RNGTT: variants seen among roughly 807,000 people sequenced by gnomAD.
RNGTT encodes the protein RNA guanylyltransferase and 5'-phosphatase, also known as mRNA-capping enzyme.
Under a neutral mutation model 79.3 loss-of-function variants are expected in RNGTT, and 33 were observed. The observed-to-expected ratio is 0.42, with a 90% CI of 0.32 to 0.56. The LOEUF is 0.56. Among genes scored for constraint, RNGTT ranks in the 20% least tolerant of loss-of-function variants. The pLI, the probability that RNGTT is intolerant of heterozygous loss-of-function variation, is 0.17. For synonymous variants in RNGTT, 222 were observed against 235.9 expected, an observed-to-expected ratio of 0.94 and a Z score of 0.54; for missense variants, 497 against 739.1, an observed-to-expected ratio of 0.67 and a Z score of 3.80.
At chr6:88,663,787 C>T (rs909131725) in intron 14 of RNGTT, among the ~76,000 whole-genome samples, 8 of 152,256 alleles carry the variant, frequency 5.3e-5, no homozygotes, top group Non-Finnish European at 1.2e-4. Context: ...ACAAATGCCC[C>T]TAAGAGAGCA....
chr6:88,650,821 A>C (rs1773768052), intron 14 of RNGTT, among the ~76,000 whole-genome samples: 1 of 152,192 alleles, frequency 6.6e-6, no homozygotes. Flanking sequence ...TAAAAGAAAA[A>C]CAACAAGTAG....
chr6:88,715,231 T>A (rs1020827221), intron 13 of RNGTT, among the ~76,000 whole-genome samples: 1 of 152,048 alleles, frequency 6.6e-6, no homozygotes, highest in Non-Finnish European at 1.5e-5. Context: ...TCAAAAAGAA[T>A]AAAATACCCA....
chr6:88,664,381 G>A (rs1448638740), intron 14 of RNGTT, among the ~76,000 whole-genome samples: 1 of 152,216 alleles, frequency 6.6e-6, no homozygotes, highest in East Asian at 1.9e-4. Context: ...AAAGCGCAGA[G>A]GATATTAGGA....
At chr6:88,952,157 C>A (rs901540606) in intron 1 of RNGTT, among the ~76,000 whole-genome samples, 1 of 152,096 alleles carries the variant, frequency 6.6e-6, no homozygotes, top group Non-Finnish European at 1.5e-5. Context: ...AGCTATCCCC[C>A]ACTTCCCTGG....
At chr6:88,765,050 G>A (rs1463712978) in intron 13 of RNGTT, among the ~76,000 whole-genome samples, 1 of 151,846 alleles carries the variant, frequency 6.6e-6, no homozygotes, top group Non-Finnish European at 1.5e-5. Context: ...AAATTAGCCG[G>A]GCATGGTGGC....
At chr6:88,631,647 A>T (rs989923808) in intron 14 of RNGTT, among the ~76,000 whole-genome samples, 1 of 148,272 alleles carries the variant, frequency 6.7e-6, no homozygotes, top group Non-Finnish European at 1.5e-5. Flanking sequence ...TCAACTCTAC[A>T]TTTTTTTTTT....
chr6:88,843,334 G>A (rs62428973), intron 11 of RNGTT, among the ~76,000 whole-genome samples: 2,026 of 152,050 alleles, frequency 0.013, 17 homozygotes, highest in Non-Finnish European at 0.02. Context: ...CACTGAAACA[G>A]TGTTGGTAAT....
chr6:88,866,740 C>T (rs1341727859), intron 8 of RNGTT, among the ~76,000 whole-genome samples: 4 of 152,088 alleles, frequency 2.6e-5, no homozygotes, highest in Non-Finnish European at 2.9e-5. Context: ...AATCTTAAGA[C>T]ACATCTTAAA....
chr6:88,822,304 T>C (rs553235566), intron 11 of RNGTT, among the ~76,000 whole-genome samples: 42 of 152,228 alleles, frequency 2.8e-4, no homozygotes, highest in Admixed American at 1.4e-3. Context: ...CACAGATACG[T>C]AGAAAACAAA....
intron 12 of RNGTT, among the ~76,000 whole-genome samples, chr6:88,771,317 A>ATATG (rs1778663732): frequency 2.9e-5 from 1 of 34,984 alleles, no homozygotes; most frequent in African/African-American, 9.4e-5. Flanking sequence ...GTGTGTGTGT[A>ATATG]TATATATATA....
intron 13 of RNGTT, among the ~76,000 whole-genome samples, chr6:88,737,004 G>GATCC (rs1389257617): frequency 1.3e-5 from 2 of 152,316 alleles, no homozygotes; most frequent in Non-Finnish European, 2.9e-5. Flanking sequence ...GGAGTCTATG[G>GATCC]AGGTGGGGCT....
chr6:88,615,659 A>G (rs1772190383), intron 14 of RNGTT, among the ~76,000 whole-genome samples: 1 of 152,208 alleles, frequency 6.6e-6, no homozygotes, highest in African/African-American at 2.4e-5. Flanking sequence ...TTAGGTAAAC[A>G]CAGTTTTGCT....
intron 13 of RNGTT, among the ~76,000 whole-genome samples, chr6:88,704,133 G>A (rs1030420635): frequency 9.2e-5 from 14 of 151,702 alleles, no homozygotes; most frequent in African/African-American, 2.7e-4. Flanking sequence ...GGTGGCGGGC[G>A]CCTGTAATCC....
intron 10 of RNGTT, among the ~76,000 whole-genome samples, chr6:88,849,088 G>A (rs947628967): frequency 4.0e-5 from 6 of 151,848 alleles, no homozygotes; most frequent in Non-Finnish European, 8.8e-5. Context: ...AAGCCACCCC[G>A]CCACCCCTTA....
chr6:88,616,803 G>T (rs970992266), intron 14 of RNGTT, among the ~76,000 whole-genome samples: 2 of 152,142 alleles, frequency 1.3e-5, no homozygotes, highest in Non-Finnish European at 2.9e-5. Flanking sequence ...CTTATCAGAT[G>T]TACAATTTGC....
At chr6:88,821,047 T>G (rs1238104434) in intron 11 of RNGTT, among the ~76,000 whole-genome samples, 1 of 152,058 alleles carries the variant, frequency 6.6e-6, no homozygotes, top group African/African-American at 2.4e-5. Context: ...ACTACCAGAC[T>G]CAAAATTTAC....
intron 4 of RNGTT, 83 bp downstream of exon 4, chr6:88,928,902 T>A (rs1414717009): frequency 9.0e-6 from 9 of 1,000,178 alleles, no homozygotes; most frequent in South Asian, 1.5e-5. Context: ...AAAACTTTCA[T>A]ATCAACTTAT....
At chr6:88,951,715 C>T (rs545117249) in intron 1 of RNGTT, among the ~76,000 whole-genome samples, 3 of 151,936 alleles carry the variant, frequency 2.0e-5, no homozygotes, top group Non-Finnish European at 4.4e-5. Context: ...TTTAGAGAGC[C>T]GAGTGAAATA....
chr6:88,813,369 C>G (rs2127873094), intron 11 of RNGTT, among the ~76,000 whole-genome samples: 1 of 152,298 alleles, frequency 6.6e-6, no homozygotes, highest in East Asian at 1.9e-4. Flanking sequence ...CACCAATAAC[C>G]TACCAATCCC....
Sources: allele counts gnomAD v4.1 joint callset (sites outside exome capture counted in the v4.1 genomes callset), GRCh38; gene constraint gnomAD v4.1.1; transcripts MANE v1.5; gene names NCBI Gene and HGNC (gene_info 2026-07-23, HGNC 2026-07-21).